The following LCORL variants were observed in gnomAD, a reference collection of about 807,000 sequenced individuals.
LCORL encodes the protein ligand dependent nuclear receptor corepressor like, also known as ligand-dependent nuclear receptor corepressor-like protein.
Under a neutral mutation model 141.8 loss-of-function variants are expected in LCORL, and 41 were observed. The ratio of observed to expected loss-of-function variants is 0.29; its 90% confidence interval spans 0.23 to 0.38. The LOEUF is 0.38. Among genes scored for constraint, LCORL ranks in the 10% least tolerant of loss-of-function variants. The pLI, the probability that LCORL is intolerant of heterozygous loss-of-function variation, is 1.00. For synonymous variants in LCORL, 618 were observed against 694.1 expected, an observed-to-expected ratio of 0.89 and a Z score of 1.72; for missense variants, 1,759 against 2,035.0, an observed-to-expected ratio of 0.86 and a Z score of 2.61.
At chr4:17,898,871 C>T (rs748190324) in intron 5 of LCORL, among the ~76,000 whole-genome samples, 1 of 152,096 alleles carries the variant, frequency 6.6e-6, no homozygotes, top group Non-Finnish European at 1.5e-5. Context: ...AAAGGACAAA[C>T]GCTTATAAAA....
chr4:17,923,900 A>G (rs1275713233), intron 4 of LCORL, among the ~76,000 whole-genome samples: 1 of 151,940 alleles, frequency 6.6e-6, no homozygotes, highest in Non-Finnish European at 1.5e-5. Context: ...CAATTTCCCA[A>G]TCATGATTCT....
intron 7 of LCORL, among the ~76,000 whole-genome samples, chr4:17,852,870 T>C (rs1410243353): frequency 1.3e-5 from 2 of 152,148 alleles, no homozygotes; most frequent in East Asian, 3.8e-4. Flanking sequence ...TATCTAGCTC[T>C]AATAATTTAA....
intron 1 of LCORL, among the ~76,000 whole-genome samples, chr4:18,020,049 T>C (rs781116475): frequency 7.9e-5 from 12 of 152,198 alleles, no homozygotes; most frequent in Non-Finnish European, 1.3e-4. Flanking sequence ...CCAAAATACA[T>C]TTTTCGTAAG....
intron 4 of LCORL, among the ~76,000 whole-genome samples, chr4:17,958,963 ATTAG>A (rs774578326): frequency 6.6e-6 from 1 of 152,056 alleles, no homozygotes. Flanking sequence ...AATATACAAA[ATTAG>A]TTAAAGTTCA....
intron 1 of LCORL, among the ~76,000 whole-genome samples, chr4:18,002,746 C>G (rs758315696): frequency 1.1e-4 from 17 of 152,106 alleles, no homozygotes; most frequent in Non-Finnish European, 2.5e-4. Context: ...TATTTTTGTA[C>G]ATATTTAAAA....
intron 4 of LCORL, among the ~76,000 whole-genome samples, chr4:17,927,259 TAA>T (rs1043397358): frequency 6.6e-6 from 1 of 152,204 alleles, no homozygotes; most frequent in African/African-American, 2.4e-5. Context: ...TCCAACGAAT[TAA>T]AGAGACTTAG....
In LCORL at chr4:17,967,846, CT is replaced by C. The variant is rs1229369819; in HGVS notation, c.221-4798del. Among the ~76,000 whole-genome samples, 4 of 151,328 alleles carry C rather than the reference CT, an allele frequency of 2.6e-5. No homozygotes were observed. The East Asian group carries it at 5.8e-4, about 22-fold the overall frequency. On this transcript the variant is annotated intron_variant, in intron 2 of 7. Transcript: ENST00000635767. ...TAGTTTTAATTGCCATTTGCCATTA[CT>C]TTTTTTTTCTTTTCTTTTCTTTTTT...
At chr4:17,945,551 T>C (rs1312969890) in intron 4 of LCORL, among the ~76,000 whole-genome samples, 3 of 151,958 alleles carry the variant, frequency 2.0e-5, no homozygotes, top group Non-Finnish European at 2.9e-5. Flanking sequence ...AGACTTACAA[T>C]ATTTCAGTCC....
intron 1 of LCORL, among the ~76,000 whole-genome samples, chr4:18,018,372 T>C (rs1030506258): frequency 1.3e-5 from 2 of 152,088 alleles, no homozygotes; most frequent in East Asian, 1.9e-4. Flanking sequence ...AGGATAATTA[T>C]AGAAAAACAG....
chr4:17,876,030 T>C (rs1726883843), exon 7 of LCORL: 13 of 1,231,016 alleles, frequency 1.1e-5, no homozygotes, highest in Non-Finnish European at 1.3e-5. Flanking sequence ...GAGAACAACA[T>C]TTGAATGGGA....
At chr4:17,870,396 A>C (rs1045769184) in intron 7 of LCORL, among the ~76,000 whole-genome samples, 1 of 152,136 alleles carries the variant, frequency 6.6e-6, no homozygotes, top group Non-Finnish European at 1.5e-5. Context: ...CTTCTACTAC[A>C]TCAGCCTCCT....
At chr4:17,852,463 G>C (rs1723862646) in intron 7 of LCORL, among the ~76,000 whole-genome samples, 1 of 152,054 alleles carries the variant, frequency 6.6e-6, no homozygotes, top group African/African-American at 2.4e-5. Context: ...GAGCCAATTA[G>C]CATGCTTTAA....
At chr4:17,934,238 T>C (rs1201732556) in intron 4 of LCORL, among the ~76,000 whole-genome samples, 1 of 152,106 alleles carries the variant, frequency 6.6e-6, no homozygotes, top group Non-Finnish European at 1.5e-5. Context: ...AATAATAATG[T>C]ATCAGCATTT....
chr4:17,869,460 A>C (rs536507446), intron 7 of LCORL, among the ~76,000 whole-genome samples: 20 of 152,282 alleles, frequency 1.3e-4, no homozygotes, highest in African/African-American at 4.8e-4. Flanking sequence ...TTCAGGGCTC[A>C]TCTTAGTTGA....
chr4:17,875,511 C>T (rs1448479525), exon 7 of LCORL: 32 of 1,231,148 alleles, frequency 2.6e-5, no homozygotes, highest in Non-Finnish European at 3.1e-5. Context: ...TATGTTTACC[C>T]TTCCTTCAGA....
intron 4 of LCORL, among the ~76,000 whole-genome samples, chr4:17,923,191 T>C (rs1466997575): frequency 6.6e-6 from 1 of 152,178 alleles, no homozygotes; most frequent in Non-Finnish European, 1.5e-5. Context: ...AATGAAAATA[T>C]TAAGGGTGTG....
In LCORL at chr4:17,883,670, GCAAA is replaced by G. The variant is rs539492116; in HGVS notation, c.776+2394_776+2397del. 4,311 of 1,236,590 alleles carry G rather than the reference GCAAA, an allele frequency of 3.5e-3. 6 individuals are homozygous for G. Among genetic ancestry groups the G allele is most frequent in the Non-Finnish European group, 4.1e-3 (3,873 of 938,802 alleles). 76.6% of individuals were successfully genotyped at this position (1,236,590 alleles called of 1,614,324 possible). A position where few individuals can be genotyped will look rare whatever the true frequency, so the allele number is the denominator to read the frequency against. On this transcript the variant is annotated intron_variant, in intron 6 of 7. Coordinates refer to ENST00000635767, the Ensembl canonical transcript of LCORL. Reference sequence around the variant, plus strand: ...CACACCTGTGCACATACACACACACGCAAACACACACACACACACACACTCACAA... The same window carrying G: ...CACACCTGTGCACATACACACACACGCACACACACACACACACACTCACAA...
intron 4 of LCORL, among the ~76,000 whole-genome samples, chr4:17,913,662 T>TGC (rs1295004934): frequency 1.3e-5 from 2 of 152,338 alleles, no homozygotes; most frequent in East Asian, 3.9e-4. Flanking sequence ...ACAATGCTCT[T>TGC]GCTCATTCCC....
intron 2 of LCORL, among the ~76,000 whole-genome samples, chr4:17,971,101 A>G (rs763037796): frequency 6.6e-6 from 1 of 152,096 alleles, no homozygotes; most frequent in Non-Finnish European, 1.5e-5. Flanking sequence ...TGCTATTTAA[A>G]AGTTTCATAA....
Sources: allele counts gnomAD v4.1 joint callset (sites outside exome capture counted in the v4.1 genomes callset), GRCh38; gene constraint gnomAD v4.1.1; transcripts MANE v1.5; gene names NCBI Gene and HGNC (gene_info 2026-07-23, HGNC 2026-07-21).